ATG2B: variants seen among roughly 807,000 people sequenced by gnomAD.
ATG2B encodes the protein autophagy related 2B, also known as autophagy-related protein 2 homolog B.
In ATG2B, 121 loss-of-function variants were observed where a neutral mutation model predicts 241.3. That is an observed-to-expected ratio of 0.50 (90% CI 0.43 to 0.58). The LOEUF (loss-of-function observed/expected upper bound fraction) is 0.58. Ranked by LOEUF, ATG2B falls within the 20% of genes least tolerant of loss-of-function variation. The probability of loss-of-function intolerance (pLI) is 0.00; values close to 1 mark genes in which losing one functional copy is unlikely to be tolerated. For synonymous variants in ATG2B, 858 were observed against 876.6 expected, an observed-to-expected ratio of 0.98 and a Z score of 0.37; for missense variants, 2,306 against 2,491.6, an observed-to-expected ratio of 0.93 and a Z score of 1.59.
rs1198511572 is a variant in ATG2B, at chr14:96,289,820, C to G, written c.5857-15G>C. 1.2e-6 allele frequency: 2 copies of G among 1,613,306 alleles called. No homozygotes were observed. The highest frequency in any genetic ancestry group is 2.2e-5 in the South Asian group (2 of 90,924). ...TCTGCAGCTGCCTGGATCATTTTGTCAAAAGGAAGAAATGAATTAGAAGAA... is the reference window on the plus strand; with the variant it reads ...TCTGCAGCTGCCTGGATCATTTTGTGAAAAGGAAGAAATGAATTAGAAGAA... On this transcript the variant is annotated splice_polypyrimidine_tract_variant and intron_variant, in intron 40 of 41. Transcript: ENST00000359933. The surrounding 1 kb of genome is among the most constrained non-coding windows in gnomAD (Gnocchi z 4.3).
chr14:96,287,253 C>CAAAAAAA (rs34710412), intron 41 of ATG2B, among the ~76,000 whole-genome samples: 1 of 78,214 alleles, frequency 1.3e-5, no homozygotes, highest in Non-Finnish European at 2.3e-5. Flanking sequence ...GACTCCGTCT[C>CAAAAAAA]AAAAAAAAAA....
At chr14:96,312,913 A>C in intron 25 of ATG2B, 152 bp downstream of exon 25, 1 of 445,308 alleles carries the variant, frequency 2.2e-6, no homozygotes, top group Non-Finnish European at 4.0e-6. Flanking sequence ...ATGTCACCTG[A>C]GAAAAATTGG....
chr14:96,343,356 T>C (rs1888094288), intron 4 of ATG2B, 75 bp from the exon 5 acceptor site: 10 of 953,338 alleles, frequency 1.0e-5, no homozygotes, highest in East Asian at 7.9e-5. Context: ...TGTATACATA[T>C]GTAACTAACC....
At chr14:96,332,228 AG>A in intron 10 of ATG2B, 76 bp downstream of exon 10, 6 of 1,170,736 alleles carry the variant, frequency 5.1e-6, no homozygotes, top group South Asian at 1.4e-5. Context: ...AAAAAAAAAA[AG>A]AAAGAAAAGC....
In ATG2B at chr14:96,280,585, C is replaced by A. The variant is rs1478101524; in HGVS notation, c.*5170G>T. The A allele has an allele frequency of 6.6e-6, 1 of 152,112 alleles. No homozygotes were observed. The highest frequency in any genetic ancestry group is 1.9e-4 in the East Asian group (1 of 5,194). 9.4% of individuals were successfully genotyped at this position (152,112 alleles called of 1,614,324 possible). On this transcript the variant is annotated 3_prime_UTR_variant, in exon 42 of 42. Coordinates refer to ENST00000359933, the MANE Select transcript of ATG2B (RefSeq NM_018036.7). ...CAACAAAATCTTTTAAAGTAAATTG[C>A]CCTTAAAAATAAGTATGTCTGGCCA... is the stretch of plus-strand genomic sequence containing the variant.
intron 31 of ATG2B, among the ~76,000 whole-genome samples, chr14:96,304,975 C>T (rs1391448147): frequency 2.0e-5 from 3 of 152,138 alleles, no homozygotes; most frequent in African/African-American, 4.8e-5. Context: ...AACTAATACA[C>T]AAAATAATTA....
chr14:96,316,037 C>T (rs1312850159), intron 21 of ATG2B, among the ~76,000 whole-genome samples: 3 of 152,132 alleles, frequency 2.0e-5, no homozygotes, highest in African/African-American at 7.2e-5. Context: ...ACAGATACAA[C>T]TTGGATGAAC....
intron 27 of ATG2B, 68 bp downstream of exon 27, chr14:96,311,474 G>C (rs1888949442): frequency 7.2e-7 from 1 of 1,380,378 alleles, no homozygotes; most frequent in African/African-American, 1.5e-5. Context: ...ACGGAAAAAT[G>C]TTAAACTCAA....
intron 36 of ATG2B, among the ~76,000 whole-genome samples, chr14:96,294,345 C>G (rs571158411): frequency 6.6e-6 from 1 of 152,176 alleles, no homozygotes; most frequent in Non-Finnish European, 1.5e-5. Flanking sequence ...TCCCTACCAT[C>G]CAGTTTTGGA....
chr14:96,308,243 T>A (rs1327103321), intron 29 of ATG2B, among the ~76,000 whole-genome samples: 6 of 21,238 alleles, frequency 2.8e-4, no homozygotes, highest in Admixed American at 6.1e-4. Context: ...TATATATATA[T>A]ATATATATAC....
At chr14:96,360,221 T>G (rs1309068267) in intron 1 of ATG2B, among the ~76,000 whole-genome samples, 2 of 152,234 alleles carry the variant, frequency 1.3e-5, no homozygotes, top group Non-Finnish European at 2.9e-5. Context: ...CCACTGACTA[T>G]TTATGTATTT....
At chr14:96,306,968 C>G in intron 29 of ATG2B, 52 bp from the exon 30 acceptor site, 2 of 1,458,042 alleles carry the variant, frequency 1.4e-6, no homozygotes, top group South Asian at 1.2e-5. Flanking sequence ...TCAACAACAA[C>G]AAGCATTTTA....
At position 96,363,084 on chromosome 14, in the gene ATG2B, C is replaced by T; in HGVS notation, c.-108G>A. On this transcript the variant is annotated 5_prime_UTR_variant, in exon 1 of 42. Transcript: ENST00000359933. Reference sequence around the variant, plus strand: ...CGGCGGGGCCTAAGCCTGGGGCGGCCCCTCCATCCCTATTTGGTGCCGGGA... The same window carrying T: ...CGGCGGGGCCTAAGCCTGGGGCGGCTCCTCCATCCCTATTTGGTGCCGGGA... 4 of 1,288,574 alleles carry T rather than the reference C, an allele frequency of 3.1e-6. No individual in the cohort carries two copies. Among genetic ancestry groups the T allele is most frequent in the East Asian group, 4.6e-5 (2 of 43,168 alleles). The allele number at this position is 1,288,574 out of a possible 1,614,324, so 79.8% of individuals were successfully genotyped here. A position where few individuals can be genotyped will look rare whatever the true frequency, so the allele number is the denominator to read the frequency against.
At position 96,328,763 on chromosome 14, in the gene ATG2B, A is replaced by C; in HGVS notation, c.1885T>G (p.Leu629Val). 1 of 1,602,470 alleles carries C rather than the reference A, an allele frequency of 6.2e-7. No homozygotes were observed. The highest frequency in any genetic ancestry group is 8.5e-7 in the Non-Finnish European group (1 of 1,172,644). The change falls in exon 13 of 42, where the codon TTA becomes GTA. Residue 629 changes from leucine to valine, a missense_variant. Physicochemically the swap from Leu to Val is conservative, Grantham distance 32. Coordinates refer to ENST00000359933, the MANE Select transcript of ATG2B (RefSeq NM_018036.7). ...GTTTCTTCTTTGGAATGGAACGTTA[A>C]AAGCTTAAAAGTAAAGATGAAGATA... ...HSVPPHYTEL[L>V]TFHSKEETGS...
At chr14:96,301,626 A>T (rs1390995415) in intron 34 of ATG2B, among the ~76,000 whole-genome samples, 1 of 152,246 alleles carries the variant, frequency 6.6e-6, no homozygotes, top group Non-Finnish European at 1.5e-5. Context: ...CATTTTGCCC[A>T]GCACAGAAAG....
intron 27 of ATG2B, 86 bp from the exon 28 acceptor site, chr14:96,311,373 A>G (rs1237493452): frequency 1.2e-5 from 16 of 1,312,718 alleles, no homozygotes; most frequent in East Asian, 2.3e-5. Context: ...ATTAAATAAG[A>G]TTCATGATAA....
At position 96,344,674 on chromosome 14, in the gene ATG2B, T is replaced by C. The variant is rs370460846; in HGVS notation, c.561A>G (p.Ala187=). ...HVPENSKTGT[A]LEIRIERTVY... is the part of the protein sequence containing the mutation. ...CTTACCTTTCTATTCGAATTTCAAG[T>C]GCAGTTCCAGTTTTGGAATTTTCTG... Residue 187 remains alanine (A), a synonymous_variant, in exon 4 of 42, where the codon GCA becomes GCG. Transcript: ENST00000359933. 28 of 1,602,488 alleles carry C rather than the reference T, an allele frequency of 1.7e-5. No individual in the cohort carries two copies. Among genetic ancestry groups the C allele is most frequent in the Non-Finnish European group, 2.4e-5 (28 of 1,172,928 alleles).
chr14:96,309,766 C>A (rs372503857), intron 28 of ATG2B, among the ~76,000 whole-genome samples, 172 bp from the exon 29 acceptor site: 2 of 152,232 alleles, frequency 1.3e-5, no homozygotes, highest in Admixed American at 1.3e-4. Flanking sequence ...AGTATTATCA[C>A]CCTAACAAAT....
At chr14:96,301,279 T>A (rs1566716644) in intron 34 of ATG2B, among the ~76,000 whole-genome samples, 2 of 149,058 alleles carry the variant, frequency 1.3e-5, no homozygotes, top group Non-Finnish European at 3.0e-5. Flanking sequence ...GGCTTGGAGA[T>A]GTTCAGTAAC....
Sources: gnomAD v4.1 joint callset for allele counts (sites outside exome capture counted in the v4.1 genomes callset) on GRCh38, gnomAD v4.1.1 for gene constraint, Gnocchi (gnomAD v3.1) non-coding constraint, MANE v1.5 for transcripts, NCBI Gene and HGNC (gene_info 2026-07-23, HGNC 2026-07-21) for gene names.